The following STK32B variants were observed in gnomAD, a reference collection of about 807,000 sequenced individuals.
STK32B encodes the protein serine/threonine-protein kinase 32B.
Under a neutral mutation model 52.6 loss-of-function variants are expected in STK32B, and 43 were observed. That is an observed-to-expected ratio of 0.82 (90% CI 0.64 to 1.05). STK32B has a LOEUF of 1.05. Ranked by LOEUF, STK32B falls within the 50% of genes least tolerant of loss-of-function variation. The probability of loss-of-function intolerance (pLI) is 0.00; values close to 1 mark genes in which losing one functional copy is unlikely to be tolerated. For synonymous variants in STK32B, 238 were observed against 204.3 expected, an observed-to-expected ratio of 1.17 and a Z score of -1.41; for missense variants, 621 against 534.6, an observed-to-expected ratio of 1.16 and a Z score of -1.59.
chr4:5,268,569 G>A (rs1469960416), intron 3 of STK32B, among the ~76,000 whole-genome samples: 2 of 150,384 alleles, frequency 1.3e-5, no homozygotes, highest in Admixed American at 1.3e-4. Context: ...GTGTGTGTGT[G>A]TGTGTGTGTG....
chr4:5,488,381 A>G (rs1444491882), intron 11 of STK32B, among the ~76,000 whole-genome samples: 1 of 152,222 alleles, frequency 6.6e-6, no homozygotes, highest in Non-Finnish European at 1.5e-5. Flanking sequence ...CAAACAGAAC[A>G]TCCTGCAATT....
rs756421946 is a variant in STK32B at position 5,499,043 on chromosome 4, A to G, written c.1205A>G (p.Asn402Ser). 9.3e-6 allele frequency: 15 copies of G among 1,612,438 alleles called. No homozygotes were observed. In the Admixed American group the frequency reaches 1.7e-4, roughly 18 times the overall value. The change falls in exon 12 of 12, where the codon AAC becomes AGC. Residue 402 changes from asparagine to serine, a missense_variant. Asn to Ser is a conservative substitution (Grantham distance 46). Transcript: ENST00000282908. ...QSKLQDGCNN[N>S]LLTHTCTRGC... Reference sequence around the variant, plus strand: ...AAGCTCCAGGACGGGTGCAACAACAACCTCCTCACCCACACCTGCACCCGT... The same window carrying G: ...AAGCTCCAGGACGGGTGCAACAACAGCCTCCTCACCCACACCTGCACCCGT...
At chr4:5,315,529 T>C (rs1730613355) in intron 3 of STK32B, among the ~76,000 whole-genome samples, 1 of 152,116 alleles carries the variant, frequency 6.6e-6, no homozygotes, top group South Asian at 2.1e-4. Flanking sequence ...TTTACAATTT[T>C]ATATGATTTA....
chr4:5,110,187 A>G (rs915684817), intron 1 of STK32B, among the ~76,000 whole-genome samples: 88 of 151,234 alleles, frequency 5.8e-4, no homozygotes, highest in African/African-American at 2.1e-3. Context: ...TCAAAGTGAT[A>G]TACACATGAA....
intron 4 of STK32B, among the ~76,000 whole-genome samples, chr4:5,368,343 C>T (rs960899017): frequency 1.5e-5 from 2 of 129,172 alleles, no homozygotes; most frequent in Non-Finnish European, 3.6e-5. Context: ...CTCACTAATC[C>T]TCACACAACG....
intron 4 of STK32B, among the ~76,000 whole-genome samples, chr4:5,344,772 A>G (rs1410784526): frequency 6.6e-6 from 1 of 152,066 alleles, no homozygotes; most frequent in Non-Finnish European, 1.5e-5. Flanking sequence ...TCTTTAGTTA[A>G]AACAGTTTTA....
At chr4:5,371,044 G>A (rs974999734) in intron 4 of STK32B, among the ~76,000 whole-genome samples, 8 of 150,078 alleles carry the variant, frequency 5.3e-5, no homozygotes, top group Non-Finnish European at 1.0e-4. Flanking sequence ...GTATATATAT[G>A]TGTGTGTGTG....
intron 2 of STK32B, among the ~76,000 whole-genome samples, chr4:5,145,537 A>G (rs777058516): frequency 1.3e-5 from 2 of 152,276 alleles, no homozygotes; most frequent in South Asian, 2.1e-4. Flanking sequence ...TACTCCATCC[A>G]TTATAGATTA....
chr4:5,389,019 C>A (rs1367269622), intron 4 of STK32B, among the ~76,000 whole-genome samples: 1 of 152,136 alleles, frequency 6.6e-6, no homozygotes, highest in Non-Finnish European at 1.5e-5. Flanking sequence ...CAGCAACCCC[C>A]AAGCATGGCT....
At chr4:5,138,063 A>G (rs182452232) in intron 1 of STK32B, among the ~76,000 whole-genome samples, 1 of 152,244 alleles carries the variant, frequency 6.6e-6, no homozygotes, top group Non-Finnish European at 1.5e-5. Context: ...GTCCAAGCTC[A>G]TTGCTTTTTT....
intron 1 of STK32B, among the ~76,000 whole-genome samples, chr4:5,074,156 AC>A (rs1381913755): frequency 6.6e-6 from 1 of 150,662 alleles, no homozygotes; most frequent in Non-Finnish European, 1.5e-5. Flanking sequence ...TCCACAGACT[AC>A]CGGAGATTCT....
chr4:5,071,328 C>T (rs906058630), intron 1 of STK32B, among the ~76,000 whole-genome samples: 2 of 152,176 alleles, frequency 1.3e-5, no homozygotes, highest in East Asian at 3.8e-4. Context: ...CTTTTAACCA[C>T]TATACATTGA....
At chr4:5,075,485 A>G (rs1370768761) in intron 1 of STK32B, among the ~76,000 whole-genome samples, 1 of 152,244 alleles carries the variant, frequency 6.6e-6, no homozygotes, top group East Asian at 1.9e-4. Flanking sequence ...TTTTTTAAAA[A>G]TATATCTAAG....
At chr4:5,464,396 A>G (rs558041926) in intron 9 of STK32B, among the ~76,000 whole-genome samples, 3 of 152,246 alleles carry the variant, frequency 2.0e-5, no homozygotes, top group African/African-American at 7.2e-5. Flanking sequence ...CTCTCCTGCA[A>G]CCCTCTGCAC....
intron 11 of STK32B, among the ~76,000 whole-genome samples, chr4:5,496,548 C>CCTGCTTCTGCTCGCGCACTGTGCG (rs61698429): frequency 1.5e-5 from 2 of 137,920 alleles, no homozygotes; most frequent in African/African-American, 6.6e-5. Context: ...AATGCCTTGC[C>CCTGCTTCTGCTCGCGCACTGTGCG]CTGCACCCAC....
At chr4:5,483,780 A>T (rs1288265178) in intron 11 of STK32B, among the ~76,000 whole-genome samples, 1 of 151,988 alleles carries the variant, frequency 6.6e-6, no homozygotes, top group Admixed American at 6.6e-5. Context: ...AGATTCTGGT[A>T]TGTTGTGTCT....
intron 6 of STK32B, among the ~76,000 whole-genome samples, chr4:5,441,695 T>C (rs1436101170): frequency 3.9e-4 from 60 of 152,046 alleles, no homozygotes; most frequent in Middle Eastern, 3.4e-3. Flanking sequence ...ATTGTGATGT[T>C]AGGGTGTCAA....
At chr4:5,185,410 A>G (rs988449569) in intron 3 of STK32B, among the ~76,000 whole-genome samples, 1 of 152,234 alleles carries the variant, frequency 6.6e-6, no homozygotes, top group Non-Finnish European at 1.5e-5. Context: ...TCTACCTGCC[A>G]GTCTAAGCCA....
At chr4:5,388,920 C>T (rs1450438210) in intron 4 of STK32B, among the ~76,000 whole-genome samples, 1 of 152,172 alleles carries the variant, frequency 6.6e-6, no homozygotes, top group Non-Finnish European at 1.5e-5. Flanking sequence ...AAGTTAACAT[C>T]CAGGCCCCAT....
Sources: allele counts gnomAD v4.1 joint callset (sites outside exome capture counted in the v4.1 genomes callset), GRCh38; gene constraint gnomAD v4.1.1; transcripts MANE v1.5; gene names NCBI Gene and HGNC (gene_info 2026-07-23, HGNC 2026-07-21).